PRAG1: variants seen among roughly 807,000 people sequenced by gnomAD.
The protein encoded by PRAG1 is inactive tyrosine-protein kinase PRAG1.
Under a neutral mutation model 95.6 loss-of-function variants are expected in PRAG1, and 110 were observed. That is an observed-to-expected ratio of 1.15 (90% CI 0.99 to 1.35). The LOEUF is 1.35. Among genes scored for constraint, PRAG1 ranks in the 40% most tolerant of loss-of-function variants. The pLI is 0.00. For missense variants in PRAG1, 2,554 were observed against 1,864.7 expected, an observed-to-expected ratio of 1.37 and a Z score of -6.81; for synonymous variants, 1,052 against 819.4, an observed-to-expected ratio of 1.28 and a Z score of -4.85.
intron 4 of PRAG1, among the ~76,000 whole-genome samples, chr8:8,338,627 C>G (rs906705624): frequency 3.9e-5 from 6 of 152,088 alleles, no homozygotes; most frequent in African/African-American, 1.4e-4. Flanking sequence ...CAGAACACAC[C>G]ACAGACTGAC....
rs530804799 is a variant in PRAG1, at chr8:8,381,820, T to C, written c.-73A>G. The C allele has an allele frequency of 1.5e-5, 19 of 1,290,064 alleles. No homozygotes were observed. In the South Asian group the frequency reaches 2.8e-4, roughly 19 times the overall value. 79.9% of individuals were successfully genotyped at this position (1,290,064 alleles called of 1,614,324 possible). On this transcript the variant is annotated 5_prime_UTR_variant, in exon 2 of 6. Coordinates refer to ENST00000615670, the MANE Select transcript of PRAG1 (RefSeq NM_001080826.3). ...CAGTTTTGTGGGATTCAGAGGTGGG[T>C]CACAGAGCGGCTTCCTAGAAAGGCA...
At chr8:8,372,017 G>A (rs942622645) in intron 3 of PRAG1, among the ~76,000 whole-genome samples, 6 of 152,128 alleles carry the variant, frequency 3.9e-5, no homozygotes, top group African/African-American at 1.4e-4. Flanking sequence ...TTCCACCTGG[G>A]CTCAGGCCTC....
In PRAG1 at chr8:8,339,496, T is replaced by C. The variant is rs1262793900; in HGVS notation, c.2302A>G (p.Arg768Gly). ...GSTDSLASDS[R>G]TCSDGGPSSE... Reference sequence around the variant, plus strand: ...TTGTTACCTCCATCGCTGCAGGTCCTAGAGTCTGAGGCCAGGCTGTCCGTG... The same window carrying C: ...TTGTTACCTCCATCGCTGCAGGTCCCAGAGTCTGAGGCCAGGCTGTCCGTG... Residue 768 changes from arginine (R) to glycine (G), a missense_variant, in exon 4 of 6, where the codon AGG becomes GGG. By Grantham distance (125) the Arg-to-Gly change is moderately radical. Transcript: ENST00000615670. 1.9e-6 allele frequency: 3 copies of C among 1,613,988 alleles called. No homozygotes were observed. Among genetic ancestry groups the C allele is most frequent in the Non-Finnish European group, 2.5e-6 (3 of 1,180,018 alleles).
chr8:8,366,978 A>T (rs2116906507), intron 3 of PRAG1, among the ~76,000 whole-genome samples: 1 of 152,188 alleles, frequency 6.6e-6, no homozygotes, highest in South Asian at 2.1e-4. Flanking sequence ...CAGCTACATC[A>T]TGCATTTTAG....
chr8:8,334,728 C>T (rs1426136930), intron 4 of PRAG1, among the ~76,000 whole-genome samples: 1 of 150,492 alleles, frequency 6.6e-6, no homozygotes, highest in Non-Finnish European at 1.5e-5. Flanking sequence ...CTTTCAATCT[C>T]CTGTTATAAC....
chr8:8,384,003 C>T (rs1034659792), intron 1 of PRAG1, among the ~76,000 whole-genome samples: 2 of 152,188 alleles, frequency 1.3e-5, no homozygotes, highest in African/African-American at 4.8e-5. Flanking sequence ...CACTGTCCAG[C>T]CCACCTCCAC....
rs184277103 is a variant in PRAG1, at chr8:8,376,261, C to A, written c.2148G>T (p.Pro716=). 1,057 of 1,613,152 alleles carry A rather than the reference C, an allele frequency of 6.6e-4. 8 individuals are homozygous for A. The African/African-American group carries it at 0.013, about 19-fold the overall frequency. ...ATGGTACTCACCGCGACTTTGGAGG[C>A]GGAGGAGGAGGTGAGAATGTCTCAA... is the stretch of plus-strand genomic sequence containing the variant. ...SGIETFSPPP[P]PPKSRHLLKM... Residue 716 remains proline, a synonymous_variant, in exon 3 of 6, where the codon CCG becomes CCT. Coordinates refer to ENST00000615670, the MANE Select transcript of PRAG1 (RefSeq NM_001080826.3).
intron 4 of PRAG1, among the ~76,000 whole-genome samples, chr8:8,329,540 C>A (rs1341555216): frequency 1.3e-5 from 2 of 151,810 alleles, no homozygotes; most frequent in Non-Finnish European, 2.9e-5. Context: ...GACCAGAAAA[C>A]AACAAAAAAA....
intron 1 of PRAG1, among the ~76,000 whole-genome samples, chr8:8,384,144 C>A (rs1394776896): frequency 2.0e-5 from 3 of 152,196 alleles, no homozygotes; most frequent in East Asian, 3.8e-4. Context: ...GGTGCCCAAC[C>A]ACTTCCTCAG....
intron 3 of PRAG1, among the ~76,000 whole-genome samples, chr8:8,361,360 A>T (rs1055954327): frequency 1.3e-5 from 2 of 152,132 alleles, no homozygotes; most frequent in African/African-American, 4.8e-5. Context: ...TGGTGGGAGG[A>T]AATAACATGG....
Position 8,318,253 on chromosome 8 carries a change from C to A in PRAG1, c.4122G>T (p.Arg1374Ser), listed in dbSNP as rs1024180635. The change falls in exon 6 of 6, where the codon AGG (arginine) becomes AGT (serine). Residue 1374 changes from arginine to serine, a missense_variant. Transcript: ENST00000615670. The surrounding 1 kb of genome is among the most constrained non-coding windows in gnomAD (Gnocchi z 4.2). ...MKFAEKAVDR[R>S]RGVELEDWLC... ...GCCAGTCCTCCAGCTCCACGCCCCG[C>A]CTGCGATCCACCGCCTTCTCCGCAA... 2 of 1,614,078 alleles carry A rather than the reference C, an allele frequency of 1.2e-6. No homozygotes were observed. Among genetic ancestry groups the A allele is most frequent in the African/African-American group, 2.7e-5 (2 of 74,948 alleles).
chr8:8,376,604 T>C lies in PRAG1; in HGVS notation c.1805A>G (p.Asn602Ser), dbSNP rs1276923276. The change falls in exon 3 of 6, where the codon AAC becomes AGC. Residue 602 changes from asparagine (N) to serine (S), a missense_variant. Asn to Ser is a conservative substitution (Grantham distance 46). Transcript: ENST00000615670. ...GGATGGGTCACTGATAGCGACACCG[T>C]TGGTCCGGCAGGAAGGAGCGGGGTC... ...PADPAPSCRTNGVAISDPSRC... is the reference protein window; with the variant it reads ...PADPAPSCRTSGVAISDPSRC... 9 of 1,603,670 alleles carry C rather than the reference T, an allele frequency of 5.6e-6. No individual in the cohort carries two copies. Among genetic ancestry groups the C allele is most frequent in the African/African-American group, 1.3e-5 (1 of 74,784 alleles).
intron 4 of PRAG1, 24 bp downstream of exon 4, chr8:8,339,454 C>A: frequency 5.6e-6 from 9 of 1,611,096 alleles, no homozygotes; most frequent in Non-Finnish European, 7.6e-6. Flanking sequence ...ATCTAAGCCT[C>A]TCCGTCAATG....
At chr8:8,357,676 T>C (rs1585254548) in intron 3 of PRAG1, among the ~76,000 whole-genome samples, 1 of 152,196 alleles carries the variant, frequency 6.6e-6, no homozygotes, top group East Asian at 1.9e-4. Context: ...GAGCCAACAA[T>C]TCCACTTTGT....
At position 8,319,003 on chromosome 8, in the gene PRAG1, G is replaced by A; in HGVS notation, c.3372C>T (p.Phe1124=). Residue 1124 remains phenylalanine, a synonymous_variant, in exon 6 of 6, where the codon TTC becomes TTT. Coordinates refer to ENST00000615670, the MANE Select transcript of PRAG1 (RefSeq NM_001080826.3). ...GCCCGTTGCAGAGTTGCAGAAGCAG[G>A]AAGCACACGCGCCGCTCGTACGCCT... ...EPEAYERRVC[F]LLLQLCNGLE... is the part of the protein sequence containing the mutation. 2 of 1,613,470 alleles carry A rather than the reference G, an allele frequency of 1.2e-6. No individual in the cohort carries two copies. The highest frequency in any genetic ancestry group is 1.7e-6 in the Non-Finnish European group (2 of 1,179,816).
chr8:8,326,973 G>A (rs1798652908), intron 5 of PRAG1, among the ~76,000 whole-genome samples: 1 of 152,132 alleles, frequency 6.6e-6, no homozygotes, highest in Non-Finnish European at 1.5e-5. Flanking sequence ...TAGGTCGAAT[G>A]CTCCTTCTGG....
Position 8,333,025 on chromosome 8 carries a change from C to G in PRAG1, c.2321-4564G>C, listed in dbSNP as rs549452863. 4.6e-5 allele frequency among the ~76,000 whole-genome samples: 7 copies of G among 152,338 alleles called. No individual in the cohort carries two copies. In the South Asian group the frequency reaches 1.2e-3, roughly 27 times the overall value. On this transcript the variant is annotated intron_variant, in intron 4 of 5. Coordinates refer to ENST00000615670, the MANE Select transcript of PRAG1 (RefSeq NM_001080826.3). ...GTTCAGAAAAGTCTGCCTAAAAAAT[C>G]CTCCACGACTTTAGCCAACAGCCAA...
chr8:8,367,178 G>A (rs745930701), intron 3 of PRAG1, among the ~76,000 whole-genome samples: 10 of 151,982 alleles, frequency 6.6e-5, no homozygotes, highest in Non-Finnish European at 1.2e-4. Flanking sequence ...TCAACAATAT[G>A]CAGTCATAAA....
At chr8:8,380,772 G>C (rs1800606436) in intron 2 of PRAG1, among the ~76,000 whole-genome samples, 1 of 143,706 alleles carries the variant, frequency 7.0e-6, no homozygotes, top group African/African-American at 2.7e-5. Flanking sequence ...AGAATCGCTT[G>C]AACCAGGGAG....
Sources: allele counts gnomAD v4.1 joint callset (sites outside exome capture counted in the v4.1 genomes callset), GRCh38; gene constraint gnomAD v4.1.1; non-coding constraint Gnocchi (gnomAD v3.1); transcripts MANE v1.5; gene names NCBI Gene and HGNC (gene_info 2026-07-23, HGNC 2026-07-21).